The following TRAPPC8 variants were observed in gnomAD, a reference collection of about 807,000 sequenced individuals.
The protein encoded by TRAPPC8 is general sporulation gene 1 homolog.
Under a neutral mutation model 174.3 loss-of-function variants are expected in TRAPPC8, and 54 were observed. That is an observed-to-expected ratio of 0.31 (90% CI 0.25 to 0.39). TRAPPC8 has a LOEUF of 0.39. Among genes scored for constraint, TRAPPC8 ranks in the 10% least tolerant of loss-of-function variants. The pLI is 1.00. For missense variants in TRAPPC8, 1,531 were observed against 1,699.1 expected (o/e 0.90, Z 1.74); for synonymous variants, 630 against 579.9 (o/e 1.09, Z -1.24).
chr18:31,942,547 ACTTC>A (rs889109746), intron 1 of TRAPPC8, 57 bp downstream of exon 1: 15 of 1,466,856 alleles, frequency 1.0e-5, no homozygotes, highest in African/African-American at 1.5e-5. Context: ...CCCGCCCGCA[ACTTC>A]CTTCTCCCGA....
At chr18:31,875,566 A>G (rs962735399) in intron 12 of TRAPPC8, among the ~76,000 whole-genome samples, 1 of 152,150 alleles carries the variant, frequency 6.6e-6, no homozygotes, top group African/African-American at 2.4e-5. Flanking sequence ...CTCTGCCAGC[A>G]TCAGGTGCTA....
chr18:31,935,408 G>A (rs534826908), intron 1 of TRAPPC8, among the ~76,000 whole-genome samples: 177 of 143,482 alleles, frequency 1.2e-3, no homozygotes, highest in South Asian at 4.6e-3. Context: ...ATTACAGGCT[G>A]GAGCCGCTGC....
chr18:31,887,724 G>GTGA (rs990107895), intron 12 of TRAPPC8, among the ~76,000 whole-genome samples: 2 of 151,694 alleles, frequency 1.3e-5, no homozygotes, highest in African/African-American at 4.9e-5. Flanking sequence ...ACAAAAGGTG[G>GTGA]AAGTATTCCC....
intron 14 of TRAPPC8, among the ~76,000 whole-genome samples, chr18:31,872,643 T>C (rs1333253287): frequency 2.0e-5 from 3 of 151,996 alleles, no homozygotes; most frequent in Non-Finnish European, 2.9e-5. Flanking sequence ...ATGGTCTCAA[T>C]CTCTTGACCT....
chr18:31,907,445 C>T lies in TRAPPC8; in HGVS notation c.1389+15G>A, dbSNP rs746213223. On this transcript the variant is annotated intron_variant, in intron 9 of 28. Coordinates refer to ENST00000283351, the MANE Select transcript of TRAPPC8 (RefSeq NM_014939.5). ...GTAGCAGAATTAAGGAATTATAATACCATAGAATACCAACCAAGGCACCAG... is the reference window on the plus strand; with the variant it reads ...GTAGCAGAATTAAGGAATTATAATATCATAGAATACCAACCAAGGCACCAG... 3 of 1,548,226 alleles carry T rather than the reference C, an allele frequency of 1.9e-6. No homozygotes were observed. The highest frequency in any genetic ancestry group is 2.6e-6 in the Non-Finnish European group (3 of 1,144,890).
At chr18:31,879,706 G>C (rs2035324455) in intron 12 of TRAPPC8, among the ~76,000 whole-genome samples, 1 of 151,850 alleles carries the variant, frequency 6.6e-6, no homozygotes, top group African/African-American at 2.4e-5. Context: ...AAACAAAATT[G>C]ATGAGACTAC....
chr18:31,930,802 G>GGATCCC (rs2037814080), intron 2 of TRAPPC8, among the ~76,000 whole-genome samples: 1 of 151,964 alleles, frequency 6.6e-6, no homozygotes, highest in South Asian at 2.1e-4. Flanking sequence ...AAACACAGGA[G>GGATCCC]GATCACTTGA....
At chr18:31,916,582 G>C (rs2037156101) in intron 3 of TRAPPC8, 136 bp from the exon 4 acceptor site, 1 of 839,568 alleles carries the variant, frequency 1.2e-6, no homozygotes, top group South Asian at 2.2e-5. Flanking sequence ...GCCCAGGCTG[G>C]AGAGCAGTGG....
chr18:31,851,963 G>A (rs895080893), intron 24 of TRAPPC8, among the ~76,000 whole-genome samples: 1 of 152,102 alleles, frequency 6.6e-6, no homozygotes, highest in Admixed American at 6.6e-5. Flanking sequence ...AAATGGTATA[G>A]TCCATAAGCA....
At chr18:31,877,610 CAAAA>C (rs1161138155) in intron 12 of TRAPPC8, among the ~76,000 whole-genome samples, 1 of 77,158 alleles carries the variant, frequency 1.3e-5, no homozygotes, top group Non-Finnish European at 2.3e-5. Flanking sequence ...GACTCCGTCT[CAAAA>C]AAAAAAAAAA....
At chr18:31,862,194 A>G (rs1164397763) in intron 19 of TRAPPC8, among the ~76,000 whole-genome samples, 1 of 152,152 alleles carries the variant, frequency 6.6e-6, no homozygotes, top group Non-Finnish European at 1.5e-5. Flanking sequence ...TCAATTCATC[A>G]TCAGCTTTTT....
chr18:31,938,373 T>C (rs1167161353), intron 1 of TRAPPC8, among the ~76,000 whole-genome samples: 2 of 151,660 alleles, frequency 1.3e-5, no homozygotes, highest in South Asian at 2.1e-4. Flanking sequence ...TTTAATATAA[T>C]TTAATTTTAA....
At chr18:31,941,608 A>AT (rs1224233053) in intron 1 of TRAPPC8, among the ~76,000 whole-genome samples, 1 of 152,172 alleles carries the variant, frequency 6.6e-6, no homozygotes, top group East Asian at 1.9e-4. Context: ...CTCTCCGCTA[A>AT]AAACAAAAGC....
intron 26 of TRAPPC8, among the ~76,000 whole-genome samples, chr18:31,845,902 C>T (rs1338812151): frequency 6.6e-6 from 1 of 152,040 alleles, no homozygotes; most frequent in Non-Finnish European, 1.5e-5. Flanking sequence ...TTCATATTTA[C>T]TATGAAAGTT....
intron 9 of TRAPPC8, among the ~76,000 whole-genome samples, chr18:31,906,465 A>T (rs900295999): frequency 1.3e-5 from 2 of 152,182 alleles, no homozygotes; most frequent in African/African-American, 4.8e-5. Context: ...GCCAGTTATT[A>T]AACAAGTATC....
At chr18:31,832,606 T>A (rs1386237914) in intron 27 of TRAPPC8, 1 of 152,228 alleles carries the variant, frequency 6.6e-6, no homozygotes, top group Non-Finnish European at 1.5e-5. Context: ...TGTTTTTCTA[T>A]CAAATTTGCA....
intron 12 of TRAPPC8, among the ~76,000 whole-genome samples, chr18:31,887,509 G>A (rs149435928): frequency 1.0e-3 from 157 of 152,168 alleles, no homozygotes; most frequent in African/African-American, 3.6e-3. Context: ...ACCCGGGTGT[G>A]ATGGCAGGTG....
intron 26 of TRAPPC8, among the ~76,000 whole-genome samples, chr18:31,843,273 T>G (rs1288619278): frequency 1.3e-5 from 2 of 152,178 alleles, no homozygotes; most frequent in African/African-American, 2.4e-5. Flanking sequence ...CTCTTCTGTC[T>G]TTTTTCTTTT....
At chr18:31,934,386 G>A (rs539739655) in intron 1 of TRAPPC8, among the ~76,000 whole-genome samples, 22 of 152,064 alleles carry the variant, frequency 1.4e-4, no homozygotes, top group Admixed American at 1.2e-3. Flanking sequence ...GTGGGGAGGT[G>A]GATGTTTCTT....
Sources: allele counts gnomAD v4.1 joint callset (sites outside exome capture counted in the v4.1 genomes callset), GRCh38; gene constraint gnomAD v4.1.1; transcripts MANE v1.5; gene names NCBI Gene and HGNC (gene_info 2026-07-23, HGNC 2026-07-21).